Variants in EPHB2 observed in about 807,000 individuals in gnomAD.
The protein encoded by EPHB2 is EPH receptor B2.
Under a neutral mutation model 96.4 loss-of-function variants are expected in EPHB2, and 18 were observed. The ratio of observed to expected loss-of-function variants is 0.19; its 90% CI spans 0.13 to 0.28. The LOEUF (loss-of-function observed/expected upper bound fraction) is 0.28, where lower values mean the gene tolerates loss of function less well. Ranked by LOEUF, EPHB2 falls within the 10% of genes least tolerant of loss-of-function variation. EPHB2 has a pLI of 1.00. For synonymous variants in EPHB2, 506 were observed against 534.1 expected (o/e 0.95, Z 0.72); for missense variants, 989 against 1,355.4 (o/e 0.73, Z 4.25).
intron 3 of EPHB2, among the ~76,000 whole-genome samples, chr1:22,833,136 G>A (rs1261082043): frequency 6.7e-6 from 1 of 149,090 alleles, no homozygotes; most frequent in Non-Finnish European, 1.5e-5. Context: ...TTCTTTTTTT[G>A]AGACAGAGTC....
At chr1:22,892,795 C>G (rs1171108263) in intron 6 of EPHB2, 89 bp from the exon 7 acceptor site, 3 of 1,539,322 alleles carry the variant, frequency 1.9e-6, no homozygotes, top group Admixed American at 1.7e-5. Flanking sequence ...AATGGCCAGA[C>G]CTGCCCCCAA....
intron 3 of EPHB2, among the ~76,000 whole-genome samples, chr1:22,856,553 C>T (rs1252040399): frequency 6.6e-6 from 1 of 152,196 alleles, no homozygotes; most frequent in Non-Finnish European, 1.5e-5. Flanking sequence ...TGACACTCAC[C>T]ACTCACTAAT....
At position 22,744,860 on chromosome 1, in the gene EPHB2, G is replaced by GA. The variant is rs891981031; in HGVS notation, c.61+33826dup. ...AGAGTGAGACTGTGTCTCAAAAAAA[G>GA]AAAAAAAAAGAAAAAAAGAAAATCA... On this transcript the variant is annotated intron_variant, in intron 1 of 15. Transcript: ENST00000374630. 2.0e-4 allele frequency among the ~76,000 whole-genome samples: 29 copies of GA among 147,392 alleles called. No homozygotes were observed. In the South Asian group the frequency reaches 3.5e-3, roughly 18 times the overall value.
intron 3 of EPHB2, among the ~76,000 whole-genome samples, chr1:22,851,950 C>T (rs1250208359): frequency 6.6e-6 from 1 of 152,238 alleles, no homozygotes; most frequent in African/African-American, 2.4e-5. Flanking sequence ...AGCACTTTTA[C>T]AGACCACACA....
chr1:22,862,630 T>C (rs6670405), intron 3 of EPHB2, among the ~76,000 whole-genome samples: 42,343 of 152,062 alleles, frequency 0.28, 8,963 homozygotes, highest in East Asian at 0.62. Flanking sequence ...ATAATCATCT[T>C]AATTGTCTGT....
At chr1:22,716,121 C>T (rs903880837) in intron 1 of EPHB2, among the ~76,000 whole-genome samples, 3 of 152,220 alleles carry the variant, frequency 2.0e-5, no homozygotes, top group Non-Finnish European at 4.4e-5. Flanking sequence ...CAGACTCCAT[C>T]CCTGCCTCTT....
chr1:22,861,121 C>T (rs561658792), intron 3 of EPHB2, among the ~76,000 whole-genome samples: 106 of 152,342 alleles, frequency 7.0e-4, no homozygotes, highest in African/African-American at 2.5e-3. Flanking sequence ...AGTGTTTTTA[C>T]ATAAGTTAAG....
chr1:22,714,183 C>T (rs1401455308), intron 1 of EPHB2, among the ~76,000 whole-genome samples: 1 of 152,192 alleles, frequency 6.6e-6, no homozygotes, highest in Non-Finnish European at 1.5e-5. Context: ...CGAGACAGAG[C>T]ATGATACGGG....
chr1:22,730,242 TTGA>T (rs1160392305), intron 1 of EPHB2, among the ~76,000 whole-genome samples: 1 of 152,188 alleles, frequency 6.6e-6, no homozygotes, highest in Non-Finnish European at 1.5e-5. Flanking sequence ...CGGGGGTGGC[TTGA>T]TGAGGCCACA....
At chr1:22,714,728 C>T (rs920726782) in intron 1 of EPHB2, among the ~76,000 whole-genome samples, 5 of 152,198 alleles carry the variant, frequency 3.3e-5, no homozygotes, top group African/African-American at 9.7e-5. Context: ...CAGATCTGGT[C>T]CTGGACAGTC....
chr1:22,726,341 C>T (rs1031610675), intron 1 of EPHB2, among the ~76,000 whole-genome samples: 23 of 152,190 alleles, frequency 1.5e-4, no homozygotes, highest in Non-Finnish European at 2.8e-4. Flanking sequence ...CCACTAAGTG[C>T]CAGGCACCAT....
At chr1:22,739,353 C>G (rs1238495533) in intron 1 of EPHB2, among the ~76,000 whole-genome samples, 2 of 152,132 alleles carry the variant, frequency 1.3e-5, no homozygotes, top group Non-Finnish European at 2.9e-5. Context: ...GTAATAGGGA[C>G]CGCAGGCGCA....
intron 1 of EPHB2, among the ~76,000 whole-genome samples, chr1:22,751,580 C>T (rs1157518447): frequency 1.3e-5 from 2 of 152,200 alleles, no homozygotes; most frequent in Admixed American, 1.3e-4. Context: ...TACGCCTTTC[C>T]AGAAGCTTTC....
chr1:22,912,813 C>G, intron 15 of EPHB2: 1 of 639,414 alleles, frequency 1.6e-6, no homozygotes, highest in African/African-American at 1.8e-5. Context: ...CAAATCATAG[C>G]ACCTCCCTCA....
chr1:22,903,037 C>T (rs1272896839), intron 9 of EPHB2, among the ~76,000 whole-genome samples: 1 of 152,226 alleles, frequency 6.6e-6, no homozygotes, highest in African/African-American at 2.4e-5. Context: ...GTCCTGTGAG[C>T]AGGCATCTAG....
chr1:22,747,302 C>G (rs2148374011), intron 1 of EPHB2, among the ~76,000 whole-genome samples: 1 of 152,314 alleles, frequency 6.6e-6, no homozygotes, highest in South Asian at 2.1e-4. Context: ...TTATTAAGCC[C>G]TTTTTCTGTG....
intron 1 of EPHB2, among the ~76,000 whole-genome samples, chr1:22,754,426 A>C (rs1644111600): frequency 6.6e-6 from 1 of 152,132 alleles, no homozygotes; most frequent in Admixed American, 6.5e-5. Context: ...CTATAAATAC[A>C]ACAGAGGCAG....
chr1:22,826,149 G>A (rs1274336214), intron 3 of EPHB2, among the ~76,000 whole-genome samples: 7 of 152,198 alleles, frequency 4.6e-5, no homozygotes, highest in African/African-American at 7.2e-5. Flanking sequence ...GAATTGGAGT[G>A]AGGAAGCAGG....
intron 3 of EPHB2, among the ~76,000 whole-genome samples, chr1:22,813,817 A>C (rs1006149495): frequency 2.6e-5 from 4 of 152,178 alleles, no homozygotes; most frequent in Admixed American, 2.6e-4. Context: ...TATTCTATTC[A>C]TCCCCCCTGA....
Sources: allele counts gnomAD v4.1 joint callset (sites outside exome capture counted in the v4.1 genomes callset), GRCh38; gene constraint gnomAD v4.1.1; transcripts MANE v1.5; gene names NCBI Gene and HGNC (gene_info 2026-07-23, HGNC 2026-07-21).